The following IFT43 variants were observed in gnomAD, a reference collection of about 807,000 sequenced individuals.
IFT43 encodes intraflagellar transport protein 43 homolog.
In IFT43, 33 loss-of-function variants were observed where a neutral mutation model predicts 32.3. That is an observed-to-expected ratio of 1.02 (90% CI 0.77 to 1.37). The LOEUF (loss-of-function observed/expected upper bound fraction) is 1.37. IFT43 is among the 40% of genes most tolerant of loss of function. The pLI is 0.00. For synonymous variants in IFT43, 93 were observed against 98.2 expected (o/e 0.95, Z 0.31); for missense variants, 274 against 265.9 (o/e 1.03, Z -0.21).
At chr14:76,022,721 C>T (rs2036317649) in intron 3 of IFT43, 1 of 197,018 alleles carries the variant, frequency 5.1e-6, no homozygotes, top group Non-Finnish European at 1.0e-5. Flanking sequence ...TTTGCATATT[C>T]TGGACATTTC....
Position 76,024,365 on chromosome 14 carries a change from A to T in IFT43, c.215+1971A>T, listed in dbSNP as rs117816272. Among the ~76,000 whole-genome samples, 79 of 152,346 alleles carry T rather than the reference A, an allele frequency of 5.2e-4. 1 individual carries two copies. The highest frequency in any genetic ancestry group is 8.5e-4 in the Admixed American group (13 of 15,304). ...CATGCTAAGGTGTGGTAATTAAGTC[A>T]TCTCTTGTTTTACTTACAGGAAGCA... is the stretch of plus-strand genomic sequence containing the variant. On this transcript the variant is annotated intron_variant, in intron 3 of 8. Coordinates refer to ENST00000314067, the MANE Select transcript of IFT43 (RefSeq NM_001102564.3).
intron 2 of IFT43, among the ~76,000 whole-genome samples, chr14:75,992,273 A>G (rs1036409138): frequency 2.0e-5 from 3 of 152,204 alleles, no homozygotes; most frequent in African/African-American, 7.2e-5. Context: ...ATTATCTGTC[A>G]AATAGTGATA....
intron 1 of IFT43, chr14:75,986,084 C>T: frequency 6.8e-7 from 1 of 1,473,878 alleles, no homozygotes; most frequent in Non-Finnish European, 9.0e-7. Flanking sequence ...CCGCCGGCGT[C>T]TAGGACCGTG....
chr14:76,073,164 A>C (rs533316822), intron 5 of IFT43, among the ~76,000 whole-genome samples: 7 of 152,154 alleles, frequency 4.6e-5, no homozygotes, highest in Non-Finnish European at 7.4e-5. Flanking sequence ...GGAGTTGTAG[A>C]GTTGCTCCAG....
intron 3 of IFT43, among the ~76,000 whole-genome samples, chr14:76,048,142 T>C (rs533214555): frequency 1.3e-5 from 2 of 152,332 alleles, no homozygotes; most frequent in Admixed American, 6.5e-5. Flanking sequence ...TTCTCAAACC[T>C]TGAGCGCTGC....
At chr14:76,084,053 A>G (rs1212296681), downstream of IFT43, 1 of 449,072 alleles carries the variant, frequency 2.2e-6, no homozygotes, top group Admixed American at 2.4e-5. Flanking sequence ...CAGCGGAGGG[A>G]GGAGGCGGCG....
intron 5 of IFT43, among the ~76,000 whole-genome samples, chr14:76,072,247 T>C (rs1300643620): frequency 1.3e-5 from 2 of 152,130 alleles, no homozygotes; most frequent in African/African-American, 4.8e-5. Context: ...GGAGAACCTA[T>C]TTTAGGGCTG....
chr14:76,059,060 C>T, intron 4 of IFT43: 1 of 1,425,738 alleles, frequency 7.0e-7, no homozygotes, highest in Non-Finnish European at 9.1e-7. Flanking sequence ...AAGGTAGGGC[C>T]ACCCAGTTTC....
At chr14:76,043,634 A>T (rs1464457445) in intron 3 of IFT43, among the ~76,000 whole-genome samples, 1 of 152,134 alleles carries the variant, frequency 6.6e-6, no homozygotes, top group African/African-American at 2.4e-5. Context: ...TGTTTCTCCC[A>T]ATGTAGAGTC....
chr14:76,053,199 A>G (rs144015790), intron 3 of IFT43, among the ~76,000 whole-genome samples: 1 of 152,346 alleles, frequency 6.6e-6, no homozygotes, highest in East Asian at 1.9e-4. Flanking sequence ...TACTATAATG[A>G]CAGTGGCTGG....
chr14:76,071,643 G>GCA (rs1362757686), intron 5 of IFT43, among the ~76,000 whole-genome samples: 3 of 152,126 alleles, frequency 2.0e-5, no homozygotes, highest in Non-Finnish European at 4.4e-5. Context: ...TACACGATAG[G>GCA]CACACATAGC....
At chr14:75,995,446 G>T (rs1475355441) in intron 2 of IFT43, among the ~76,000 whole-genome samples, 1 of 152,066 alleles carries the variant, frequency 6.6e-6, no homozygotes, top group Non-Finnish European at 1.5e-5. Flanking sequence ...CTATTCCCTT[G>T]GTGTTCCTCC....
intron 2 of IFT43, chr14:76,014,090 A>G (rs1422024371): frequency 1.8e-5 from 5 of 282,456 alleles, no homozygotes; most frequent in South Asian, 5.4e-5. Flanking sequence ...AAAAAATTCT[A>G]TAAGAATGCT....
At chr14:76,078,096 GTGTC>G (rs2037442083) in intron 5 of IFT43, among the ~76,000 whole-genome samples, 1 of 152,218 alleles carries the variant, frequency 6.6e-6, no homozygotes, top group African/African-American at 2.4e-5. Flanking sequence ...GTGCAGAACA[GTGTC>G]TGTGTAGTGT....
chr14:75,993,531 G>C (rs756242258), intron 2 of IFT43, among the ~76,000 whole-genome samples: 8 of 152,220 alleles, frequency 5.3e-5, no homozygotes, highest in South Asian at 4.1e-4. Context: ...TTTTAGGATA[G>C]ATTAATTTTT....
chr14:76,037,080 A>C (rs2036614275), intron 3 of IFT43, among the ~76,000 whole-genome samples: 1 of 152,216 alleles, frequency 6.6e-6, no homozygotes, highest in Non-Finnish European at 1.5e-5. Context: ...CTTGTCCTGT[A>C]GAATTTCCCA....
intron 2 of IFT43, among the ~76,000 whole-genome samples, chr14:75,999,275 ATATATATTTTTT>A (rs2035834517): frequency 3.3e-4 from 6 of 18,396 alleles, no homozygotes; most frequent in African/African-American, 8.1e-4. Context: ...ATATATATGT[ATATATATTTTTT>A]TTTTTTTTTT....
intron 3 of IFT43, among the ~76,000 whole-genome samples, chr14:76,033,163 CA>C (rs1416622425): frequency 6.6e-6 from 1 of 152,086 alleles, no homozygotes. Context: ...GAGCCCCAGC[CA>C]GATTGCAGTA....
At chr14:76,049,249 G>A (rs1006518373) in intron 3 of IFT43, among the ~76,000 whole-genome samples, 2 of 152,168 alleles carry the variant, frequency 1.3e-5, no homozygotes, top group Non-Finnish European at 2.9e-5. Context: ...CAAGATTCGT[G>A]TCTAGTCCCA....
Sources: gnomAD v4.1 joint callset for allele counts (sites outside exome capture counted in the v4.1 genomes callset) on GRCh38, gnomAD v4.1.1 for gene constraint, MANE v1.5 for transcripts, NCBI Gene and HGNC (gene_info 2026-07-23, HGNC 2026-07-21) for gene names.